The following CHD5 variants were observed in gnomAD, a reference collection of about 807,000 sequenced individuals.
CHD5 encodes the protein ATP-dependent chromatin remodeler CHD5.
CHD5 carries 69 observed loss-of-function variants against 230.3 expected under a neutral mutation model. The observed-to-expected ratio is 0.30, with a 90% CI of 0.25 to 0.37. The LOEUF is 0.37. CHD5 is among the 10% of genes least tolerant of loss of function. The pLI, the probability that CHD5 is intolerant of heterozygous loss-of-function variation, is 1.00. For missense variants in CHD5, 1,827 were observed against 2,622.8 expected (o/e 0.70, Z 6.63); for synonymous variants, 1,064 against 1,065.9 (o/e 1.00, Z 0.03).
intron 11 of CHD5, among the ~76,000 whole-genome samples, chr1:6,144,937 G>A (rs1451107302): frequency 6.6e-6 from 1 of 152,218 alleles, no homozygotes; most frequent in Non-Finnish European, 1.5e-5. Context: ...CAGATTGGGG[G>A]AACAAATCTG....
intron 7 of CHD5, among the ~76,000 whole-genome samples, chr1:6,150,647 G>T (rs539813086): frequency 5.3e-5 from 8 of 152,256 alleles, no homozygotes; most frequent in African/African-American, 1.9e-4. Flanking sequence ...GAGAAGGAGG[G>T]ATGGGAAGGA....
In CHD5 at chr1:6,131,827, G is replaced by A. The variant is rs1666662187; in HGVS notation, c.3145-79C>T. 2 of 844,678 alleles carry A rather than the reference G, an allele frequency of 2.4e-6. No homozygotes were observed. The highest frequency in any genetic ancestry group is 4.0e-6 in the Non-Finnish European group (2 of 502,664). 52.3% of individuals were successfully genotyped at this position (844,678 alleles called of 1,614,324 possible). A position where few individuals can be genotyped will look rare whatever the true frequency, so the allele number is the denominator to read the frequency against. ...GCCATGGGCGGGGACCCCGCCACAG[G>A]CAGGGGAGGAGAGAGCTGCCTGCTA... is the stretch of plus-strand genomic sequence containing the variant. On this transcript the variant is annotated intron_variant, in intron 20 of 41. Transcript: ENST00000262450. This position sits in a 1 kb window ranked among gnomAD's most constrained non-coding sequence, Gnocchi z 5.0.
chr1:6,161,942 G>T (rs544609419), intron 2 of CHD5, among the ~76,000 whole-genome samples: 3 of 152,242 alleles, frequency 2.0e-5, no homozygotes, highest in Non-Finnish European at 4.4e-5. Flanking sequence ...ATCCTACGTG[G>T]CCTGCCAGTG....
At chr1:6,107,189 AAGATGGAG>A (rs1465540861) in intron 38 of CHD5, among the ~76,000 whole-genome samples, 1 of 91,998 alleles carries the variant, frequency 1.1e-5, no homozygotes, top group Non-Finnish European at 2.2e-5. Context: ...GGGATGGGGG[AAGATGGAG>A]GGATGGAGGG....
rs1666870137 is a variant in CHD5, at chr1:6,143,885, T to C, written c.1981A>G (p.Lys661Glu). Residue 661 changes from lysine to glutamate, a missense_variant, in exon 13 of 42, where the codon AAG (lysine) becomes GAG (glutamate). Physicochemically the swap from Lys to Glu is moderately conservative, Grantham distance 56. Around this residue, in one of 14 missense-constraint regions of CHD5, gnomAD observed 657 missense variants for 816.4 expected, o/e 0.80. Transcript: ENST00000262450. ...EDTRLPKRLL[K>E]KGKKLRDDKQ... ...TCGTCCCTCAGCTTCTTGCCCTTCT[T>C]GAGCAGCCTCTTGGGCAGCCTGGTG... is the stretch of plus-strand genomic sequence containing the variant. 6.2e-7 allele frequency: 1 copy of C among 1,613,800 alleles called. No individual in the cohort carries two copies. The highest frequency in any genetic ancestry group is 8.5e-7 in the Non-Finnish European group (1 of 1,180,020).
chr1:6,154,736 G>A lies in CHD5; in HGVS notation c.669C>T (p.Ser223=), dbSNP rs1341853317. 6.2e-7 allele frequency: 1 copy of A among 1,610,958 alleles called. No individual in the cohort carries two copies. The highest frequency in any genetic ancestry group is 1.3e-5 in the African/African-American group (1 of 75,022). The change falls in exon 5 of 42, where the codon TCC becomes TCT. Residue 223 remains serine (S), a synonymous_variant. Coordinates refer to ENST00000262450, the MANE Select transcript of CHD5 (RefSeq NM_015557.3). The surrounding 1 kb of genome is among the most constrained non-coding windows in gnomAD (Gnocchi z 7.0). ...GCGGGGGGCTGACGGCTAGCGGAGG[G>A]GAGATGGTGACCGTCTCTACAGCCG... ...VAAAVETVTI[S]PPLAVSPPQV...
In CHD5 at chr1:6,130,532, C is replaced by G. The variant is rs555661112; in HGVS notation, c.3263-204G>C. Among the ~76,000 whole-genome samples, 4 of 152,254 alleles carry G rather than the reference C, an allele frequency of 2.6e-5. No homozygotes were observed. The highest frequency in any genetic ancestry group is 7.2e-5 in the African/African-American group (3 of 41,550). On this transcript the variant is annotated intron_variant, in intron 21 of 41. Transcript: ENST00000262450. The surrounding 1 kb of genome is among the most constrained non-coding windows in gnomAD (Gnocchi z 4.9). Reference sequence around the variant, plus strand: ...AGGCCTGCCCAAGCCCACTTAGCCCCCAGCGAGCTCTGAGCCCTAGTGCAG... The same window carrying G: ...AGGCCTGCCCAAGCCCACTTAGCCCGCAGCGAGCTCTGAGCCCTAGTGCAG...
At position 6,125,342 on chromosome 1, in the gene CHD5, G is replaced by T. The variant is rs1666538104; in HGVS notation, c.4261-109C>A. 2.5e-6 allele frequency: 3 copies of T among 1,217,498 alleles called. No homozygotes were observed. In the Admixed American group the frequency reaches 7.1e-5, roughly 29 times the overall value. 75.4% of individuals were successfully genotyped at this position (1,217,498 alleles called of 1,614,324 possible). Reference sequence around the variant, plus strand: ...GGGAGGAGGAGAAGGTAGGAAGGGGGCACAGAGAAGGCAGGGGCCTCCACC... The same window carrying T: ...GGGAGGAGGAGAAGGTAGGAAGGGGTCACAGAGAAGGCAGGGGCCTCCACC... On this transcript the variant is annotated intron_variant, in intron 28 of 41. Coordinates refer to ENST00000262450, the MANE Select transcript of CHD5 (RefSeq NM_015557.3). This position sits in a 1 kb window ranked among gnomAD's most constrained non-coding sequence, Gnocchi z 6.7.
chr1:6,130,681 T>G lies in CHD5; in HGVS notation c.3263-353A>C, dbSNP rs1666640915. On this transcript the variant is annotated intron_variant, in intron 21 of 41. Transcript: ENST00000262450. This position sits in a 1 kb window ranked among gnomAD's most constrained non-coding sequence, Gnocchi z 4.9. Reference sequence around the variant, plus strand: ...TCAGAGTCCTTCATGTCCCCGCAGCTTCCCACCCCTGGCTTCCCTTAGCCC... The same window carrying G: ...TCAGAGTCCTTCATGTCCCCGCAGCGTCCCACCCCTGGCTTCCCTTAGCCC... 3.3e-5 allele frequency among the ~76,000 whole-genome samples: 5 copies of G among 152,316 alleles called. No homozygotes were observed. The South Asian group carries it at 1.0e-3, about 32-fold the overall frequency.
At chr1:6,163,098 G>A (rs1013376185) in intron 2 of CHD5, among the ~76,000 whole-genome samples, 8 of 152,338 alleles carry the variant, frequency 5.3e-5, no homozygotes, top group East Asian at 1.9e-4. Context: ...CTCGCCCAGC[G>A]TCCGCTCAGG....
chr1:6,109,254 T>A (rs1464773952), intron 38 of CHD5, among the ~76,000 whole-genome samples: 1 of 152,102 alleles, frequency 6.6e-6, no homozygotes, highest in Admixed American at 6.5e-5. Context: ...CAGGGAGGGC[T>A]GCAGGGCACA....
chr1:6,179,791 C>G lies in CHD5; in HGVS notation c.79+154G>C, dbSNP rs568920604. Among the ~76,000 whole-genome samples the G allele has an allele frequency of 2.6e-4, 38 of 146,552 alleles. 2 individuals are homozygous for G. The East Asian group carries it at 7.1e-3, about 27-fold the overall frequency. On this transcript the variant is annotated intron_variant, in intron 1 of 41. Coordinates refer to ENST00000262450, the MANE Select transcript of CHD5 (RefSeq NM_015557.3). ...GCCTTCGCCCTTGGCCGCGCGGCGC[C>G]AGCAGGGCGGGAGCGCAGCCCCGCA... is the stretch of plus-strand genomic sequence containing the variant.
chr1:6,174,307 A>G (rs1468280854), intron 1 of CHD5, among the ~76,000 whole-genome samples: 1 of 152,222 alleles, frequency 6.6e-6, no homozygotes, highest in African/African-American at 2.4e-5. Context: ...CCAGAAAGTT[A>G]GACAACACAC....
At chr1:6,164,236 TAAGG>T (rs1667219723) in intron 2 of CHD5, among the ~76,000 whole-genome samples, 1 of 152,198 alleles carries the variant, frequency 6.6e-6, no homozygotes, top group Admixed American at 6.5e-5. Context: ...TTTAAACTCA[TAAGG>T]AAGGGTGCGG....
chr1:6,124,669 G>C lies in CHD5; in HGVS notation c.4395-8C>G, dbSNP rs534219625. The C allele has an allele frequency of 2.3e-5, 15 of 666,304 alleles. 1 individual carries two copies. The highest frequency in any genetic ancestry group is 1.1e-4 in the African/African-American group (3 of 28,026). 41.3% of individuals were successfully genotyped at this position (666,304 alleles called of 1,614,324 possible). A position where few individuals can be genotyped will look rare whatever the true frequency, so the allele number is the denominator to read the frequency against. ...AAGAGGGACACATAGGCTCTGGGGT[G>C]GGGGGGGGGGACTGGGGCTCAGGGA... On this transcript the variant is annotated splice_polypyrimidine_tract_variant and splice_region_variant and intron_variant, in intron 29 of 41. Transcript: ENST00000262450.
rs750230505 is a variant in CHD5 at position 6,130,050 on chromosome 1, G to A, written c.3387+154C>T. 209 of 822,908 alleles carry A rather than the reference G, an allele frequency of 2.5e-4. No individual in the cohort carries two copies. Among genetic ancestry groups the A allele is most frequent in the Non-Finnish European group, 3.9e-4 (197 of 510,582 alleles). The allele number at this position is 822,908 out of a possible 1,614,324, so 51.0% of individuals were successfully genotyped here. A position where few individuals can be genotyped will look rare whatever the true frequency, so the allele number is the denominator to read the frequency against. ...GGCCAAGCTTCCACTCACTCCCAGA[G>A]CCCCTCTTGGGGCCGAGACTCCACG... On this transcript the variant is annotated intron_variant, in intron 22 of 41. Transcript: ENST00000262450. The surrounding 1 kb of genome is among the most constrained non-coding windows in gnomAD (Gnocchi z 4.9).
At chr1:6,141,790 C>A (rs187744642) in intron 15 of CHD5, among the ~76,000 whole-genome samples, 82 of 152,242 alleles carry the variant, frequency 5.4e-4, no homozygotes, top group African/African-American at 1.9e-3. Context: ...TGAACCCCTG[C>A]CGCCACCAGG....
chr1:6,125,566 C>A lies in CHD5; in HGVS notation c.4218G>T (p.Lys1406Asn), dbSNP rs201323551. The A allele has an allele frequency of 3.1e-6, 5 of 1,602,298 alleles. No individual in the cohort carries two copies. Among genetic ancestry groups the A allele is most frequent in the Non-Finnish European group, 4.3e-6 (5 of 1,174,096 alleles). The change falls in exon 28 of 42, where the codon AAG (lysine) becomes AAT (asparagine). Residue 1406 changes from lysine to asparagine, a missense_variant. Around this residue, in one of 14 missense-constraint regions of CHD5, gnomAD observed 137 missense variants for 272.7 expected, o/e 0.50. Transcript: ENST00000262450. The surrounding 1 kb of genome is among the most constrained non-coding windows in gnomAD (Gnocchi z 6.7). Reference protein sequence around the residue: ...SRRQLKSDRDKPLPPLLARVG... With the variant: ...SRRQLKSDRDNPLPPLLARVG... ...CTCGGGCGAGAAGCGGGGGCAGGGG[C>A]TTGTCCCTGTCACTCTTCAGCTGCC...
intron 33 of CHD5, among the ~76,000 whole-genome samples, chr1:6,117,711 T>TA (rs1666399464): frequency 6.6e-6 from 1 of 152,116 alleles, no homozygotes; most frequent in Non-Finnish European, 1.5e-5. Context: ...ATGCACAAAG[T>TA]AAACTCAAAT....
Sources: allele counts gnomAD v4.1 joint callset (sites outside exome capture counted in the v4.1 genomes callset), GRCh38; gene constraint gnomAD v4.1.1; regional missense constraint gnomAD v4.1.1; non-coding constraint Gnocchi (gnomAD v3.1); transcripts MANE v1.5; gene names NCBI Gene and HGNC (gene_info 2026-07-23, HGNC 2026-07-21).